Variants in DLG2 observed in about 807,000 individuals in gnomAD.
The protein encoded by DLG2 is disks large homolog 2.
A neutral mutation model predicts 132.5 loss-of-function variants in DLG2; 45 were observed. The ratio of observed to expected loss-of-function variants is 0.34; its 90% CI spans 0.27 to 0.44. DLG2 has a LOEUF of 0.44. Ranked by LOEUF, DLG2 falls within the 20% of genes least tolerant of loss-of-function variation. The pLI is 1.00. For synonymous variants in DLG2, 424 were observed against 419.6 expected (o/e 1.01, Z -0.13); for missense variants, 1,045 against 1,196.9 (o/e 0.87, Z 1.87).
chr11:85,151,156 G>A (rs966813486), intron 5 of DLG2, among the ~76,000 whole-genome samples: 14 of 152,204 alleles, frequency 9.2e-5, no homozygotes, highest in Admixed American at 2.6e-4. Context: ...TTGGCCATTT[G>A]TATATTTTCT....
At chr11:84,102,221 T>C (rs1253500917) in intron 9 of DLG2, among the ~76,000 whole-genome samples, 1 of 152,180 alleles carries the variant, frequency 6.6e-6, no homozygotes, top group African/African-American at 2.4e-5. Flanking sequence ...ATGCATTGTG[T>C]TATTTTGTAG....
At chr11:85,574,039 A>T (rs894702462) in intron 3 of DLG2, among the ~76,000 whole-genome samples, 7 of 148,240 alleles carry the variant, frequency 4.7e-5, no homozygotes, top group African/African-American at 7.8e-5. Context: ...AAAAGCTGAT[A>T]AAAAAAAGCA....
At chr11:83,593,843 A>G (rs2097237426) in intron 19 of DLG2, among the ~76,000 whole-genome samples, 1 of 151,910 alleles carries the variant, frequency 6.6e-6, no homozygotes. Context: ...CACTGCTTGA[A>G]AAAAAAAGAT....
At chr11:85,160,732 T>A (rs2077965574) in intron 4 of DLG2, among the ~76,000 whole-genome samples, 1 of 151,926 alleles carries the variant, frequency 6.6e-6, no homozygotes, top group Non-Finnish European at 1.5e-5. Flanking sequence ...CTGCCTTCTC[T>A]CCCCCAGCCT....
intron 3 of DLG2, among the ~76,000 whole-genome samples, chr11:85,407,948 C>T (rs539115424): frequency 6.6e-6 from 1 of 151,466 alleles, no homozygotes; most frequent in African/African-American, 2.4e-5. Flanking sequence ...TTGGAGTACA[C>T]TGAAACAGGC....
At chr11:84,098,450 A>G (rs74597461) in intron 10 of DLG2, among the ~76,000 whole-genome samples, 1,761 of 151,762 alleles carry the variant, frequency 0.012, 35 homozygotes, top group African/African-American at 0.04. Context: ...CTCAGAGGAA[A>G]CCTTCCCAGG....
intron 6 of DLG2, among the ~76,000 whole-genome samples, chr11:85,078,294 G>A (rs2066806898): frequency 1.3e-5 from 2 of 150,786 alleles, no homozygotes; most frequent in Non-Finnish European, 2.9e-5. Flanking sequence ...TAATATATAA[G>A]GTTATTGAGG....
intron 21 of DLG2, among the ~76,000 whole-genome samples, chr11:83,507,968 G>A (rs1018853510): frequency 6.6e-6 from 1 of 151,390 alleles, no homozygotes; most frequent in Non-Finnish European, 1.5e-5. Context: ...TGTAGTCTGG[G>A]AGGTTAGGCC....
intron 8 of DLG2, among the ~76,000 whole-genome samples, chr11:84,168,826 T>TAC (rs145846743): frequency 0.16 from 23,758 of 147,982 alleles, 2,999 homozygotes; most frequent in African/African-American, 0.37. Flanking sequence ...CACACACACA[T>TAC]ACACACACAC....
At chr11:83,775,819 G>A (rs956596485) in intron 18 of DLG2, among the ~76,000 whole-genome samples, 13 of 151,940 alleles carry the variant, frequency 8.6e-5, no homozygotes, top group African/African-American at 2.4e-4. Context: ...ATAGCCGGGC[G>A]CAGTGGCTCA....
At chr11:85,226,366 C>A (rs2074977923) in intron 4 of DLG2, among the ~76,000 whole-genome samples, 1 of 151,784 alleles carries the variant, frequency 6.6e-6, no homozygotes, top group Non-Finnish European at 1.5e-5. Context: ...TAATCTTTCA[C>A]AACAAATCTA....
At chr11:85,027,214 A>G (rs1055275828) in intron 6 of DLG2, among the ~76,000 whole-genome samples, 1 of 108,994 alleles carries the variant, frequency 9.2e-6, no homozygotes, top group Non-Finnish European at 1.7e-5. Context: ...CTGAAAGTGC[A>G]TTTAGCAAAG....
intron 3 of DLG2, among the ~76,000 whole-genome samples, chr11:85,506,209 G>T (rs971645543): frequency 6.6e-6 from 1 of 151,746 alleles, no homozygotes; most frequent in Non-Finnish European, 1.5e-5. Flanking sequence ...TTGTATCTCT[G>T]TCTCCTTCAG....
chr11:84,592,525 C>T (rs538854764), intron 6 of DLG2, among the ~76,000 whole-genome samples: 4 of 152,150 alleles, frequency 2.6e-5, no homozygotes, highest in South Asian at 2.1e-4. Flanking sequence ...TCAGAGTGAA[C>T]AGGCAAACTA....
chr11:84,688,952 T>C (rs998622736), intron 6 of DLG2, among the ~76,000 whole-genome samples: 7 of 152,200 alleles, frequency 4.6e-5, no homozygotes, highest in Admixed American at 1.3e-4. Flanking sequence ...CAACTGATCC[T>C]GAATTTGAAT....
intron 3 of DLG2, among the ~76,000 whole-genome samples, chr11:85,342,603 T>C (rs2082575032): frequency 6.6e-6 from 1 of 152,224 alleles, no homozygotes; most frequent in African/African-American, 2.4e-5. Context: ...AGTAAACACA[T>C]AAACCAGTAA....
intron 5 of DLG2, among the ~76,000 whole-genome samples, chr11:85,117,642 AT>A (rs1440155308): frequency 1.3e-5 from 2 of 150,912 alleles, no homozygotes; most frequent in African/African-American, 4.9e-5. Flanking sequence ...GTAAATAGGA[AT>A]AAAAAAAAAA....
At chr11:84,755,462 A>C (rs927452777) in intron 6 of DLG2, among the ~76,000 whole-genome samples, 2 of 152,160 alleles carry the variant, frequency 1.3e-5, no homozygotes, top group African/African-American at 2.4e-5. Context: ...CTCGCTCTGT[A>C]GCCCAGGCTG....
At chr11:83,795,366 C>G (rs975910247) in intron 17 of DLG2, among the ~76,000 whole-genome samples, 1 of 151,852 alleles carries the variant, frequency 6.6e-6, no homozygotes, top group Admixed American at 6.6e-5. Flanking sequence ...TGAGATCGTG[C>G]CACTGCACTC....
Sources: gnomAD v4.1 joint callset for allele counts (sites outside exome capture counted in the v4.1 genomes callset) on GRCh38, gnomAD v4.1.1 for gene constraint, MANE v1.5 for transcripts, NCBI Gene and HGNC (gene_info 2026-07-23, HGNC 2026-07-21) for gene names.